DPP10: variants seen among roughly 807,000 people sequenced by gnomAD.
DPP10 encodes dipeptidyl peptidase like 10.
A neutral mutation model predicts 120.9 loss-of-function variants in DPP10; 33 were observed. That is an observed-to-expected ratio of 0.27 (90% CI 0.21 to 0.37). The LOEUF is 0.37. Among genes scored for constraint, DPP10 ranks in the 10% least tolerant of loss-of-function variants. The pLI, the probability that DPP10 is intolerant of heterozygous loss-of-function variation, is 1.00. For synonymous variants in DPP10, 337 were observed against 326.1 expected (o/e 1.03, Z -0.36); for missense variants, 816 against 942.8 (o/e 0.87, Z 1.76).
intron 3 of DPP10, among the ~76,000 whole-genome samples, chr2:115,369,146 T>C (rs2065249125): frequency 1.3e-5 from 2 of 152,046 alleles, no homozygotes; most frequent in African/African-American, 2.4e-5. Context: ...TTTCAATATA[T>C]CTAACAGCAA....
chr2:114,492,065 T>C (rs1306045233), intron 1 of DPP10, among the ~76,000 whole-genome samples: 1 of 152,170 alleles, frequency 6.6e-6, no homozygotes. Context: ...AGATGTCTTG[T>C]ATAGGGTTAT....
At chr2:114,563,043 T>G (rs1573661556) in intron 1 of DPP10, among the ~76,000 whole-genome samples, 1 of 152,352 alleles carries the variant, frequency 6.6e-6, no homozygotes, top group South Asian at 2.1e-4. Flanking sequence ...TTAATATGAC[T>G]GTTTTTCATT....
intron 1 of DPP10, chr2:115,162,381 G>T: frequency 7.5e-7 from 1 of 1,337,088 alleles, no homozygotes; most frequent in Non-Finnish European, 9.8e-7. Flanking sequence ...AACGCACGCT[G>T]AAGAAATCTG....
intron 5 of DPP10, among the ~76,000 whole-genome samples, chr2:115,630,638 G>A (rs2085775416): frequency 6.6e-6 from 1 of 152,094 alleles, no homozygotes; most frequent in South Asian, 2.1e-4. Context: ...TTTATCAAAG[G>A]CCTTTTCTGC....
intron 1 of DPP10, among the ~76,000 whole-genome samples, chr2:114,553,882 C>G (rs1187391387): frequency 6.6e-6 from 1 of 152,200 alleles, no homozygotes; most frequent in African/African-American, 2.4e-5. Flanking sequence ...TCCACTGTTT[C>G]AGGATTGGAA....
At position 114,883,866 on chromosome 2, in the gene DPP10, C is replaced by T. The variant is rs532747617; in HGVS notation, c.61-425373C>T. On this transcript the variant is annotated intron_variant, in intron 1 of 25. Coordinates refer to ENST00000410059, the MANE Select transcript of DPP10 (RefSeq NM_020868.6). ...ATCTAGAAGTTAGTTTAGTGTTCCT[C>T]ACATGGCATTTGGATTTCAGAAACA... is the stretch of plus-strand genomic sequence containing the variant. 9.9e-5 allele frequency among the ~76,000 whole-genome samples: 15 copies of T among 152,224 alleles called. No homozygotes were observed. In the South Asian group the frequency reaches 1.5e-3, roughly 15 times the overall value.
chr2:115,026,246 G>T (rs1703452158), intron 1 of DPP10, among the ~76,000 whole-genome samples: 1 of 151,904 alleles, frequency 6.6e-6, no homozygotes, highest in South Asian at 2.1e-4. Context: ...TCTGCTTATG[G>T]TTATTCAGCT....
intron 24 of DPP10, 60 bp downstream of exon 24, chr2:115,836,806 T>C (rs1689587085): frequency 6.7e-7 from 1 of 1,493,608 alleles, no homozygotes; most frequent in Admixed American, 2.1e-5. Context: ...AAGGGATACA[T>C]CTAAGGACTT....
intron 5 of DPP10, among the ~76,000 whole-genome samples, chr2:115,655,087 C>G (rs2088175724): frequency 6.6e-6 from 1 of 151,676 alleles, no homozygotes; most frequent in Non-Finnish European, 1.5e-5. Flanking sequence ...CAACTTCACC[C>G]TTTGATTGTT....
intron 1 of DPP10, among the ~76,000 whole-genome samples, chr2:115,128,219 A>G (rs1057016002): frequency 6.6e-6 from 1 of 151,962 alleles, no homozygotes; most frequent in African/African-American, 2.4e-5. Flanking sequence ...TGTCCCTTAA[A>G]CACACCTGAA....
chr2:115,410,617 A>G (rs1391941849), intron 3 of DPP10, among the ~76,000 whole-genome samples: 1 of 152,166 alleles, frequency 6.6e-6, no homozygotes, highest in Non-Finnish European at 1.5e-5. Context: ...CTGGCACTTA[A>G]AAGCTGAAGG....
At position 114,942,320 on chromosome 2, in the gene DPP10, T is replaced by TATATATATATAC. The variant is rs869121143; in HGVS notation, c.61-366918_61-366917insTATATATATACA. Among the ~76,000 whole-genome samples, 146 of 123,962 alleles carry TATATATATATAC rather than the reference T, an allele frequency of 1.2e-3. 1 individual carries two copies. The highest frequency in any genetic ancestry group is 4.3e-3 in the African/African-American group (139 of 32,074). 81.3% of individuals were successfully genotyped at this position (123,962 alleles called of 152,430 possible). Reference sequence around the variant, plus strand: ...ATACATATATATATATATATATATATACACACACATATATATATACGTATA... The same window carrying TATATATATATAC: ...ATACATATATATATATATATATATATATATATATATACACACACACATATATATATACGTATA... On this transcript the variant is annotated intron_variant, in intron 1 of 25. Transcript: ENST00000410059.
chr2:115,780,331 G>A (rs114097083), intron 15 of DPP10, among the ~76,000 whole-genome samples: 1,878 of 151,944 alleles, frequency 0.012, 43 homozygotes, highest in African/African-American at 0.041. Flanking sequence ...TAATACAAAT[G>A]TAACTTTTTT....
chr2:115,696,031 G>A (rs2091568348), intron 7 of DPP10, among the ~76,000 whole-genome samples: 1 of 151,934 alleles, frequency 6.6e-6, no homozygotes, highest in Non-Finnish European at 1.5e-5. Flanking sequence ...TGAAACTGAA[G>A]ATAAGACAAG....
chr2:114,891,940 T>A (rs1692576396), intron 1 of DPP10, among the ~76,000 whole-genome samples: 1 of 152,162 alleles, frequency 6.6e-6, no homozygotes, highest in Non-Finnish European at 1.5e-5. Context: ...AGGATGTCTG[T>A]CTGTCTGTCT....
intron 15 of DPP10, among the ~76,000 whole-genome samples, chr2:115,779,246 G>A (rs1682467324): frequency 6.6e-6 from 1 of 152,094 alleles, no homozygotes; most frequent in Non-Finnish European, 1.5e-5. Flanking sequence ...AACAGTCAAT[G>A]TATCTCTGAC....
intron 3 of DPP10, among the ~76,000 whole-genome samples, chr2:115,493,993 G>A (rs1454543722): frequency 6.6e-6 from 1 of 152,046 alleles, no homozygotes; most frequent in Non-Finnish European, 1.5e-5. Flanking sequence ...TCTGTTGCCA[G>A]GCTGGGGTAC....
intron 4 of DPP10, among the ~76,000 whole-genome samples, chr2:115,502,823 A>G (rs2076751714): frequency 6.6e-6 from 1 of 151,974 alleles, no homozygotes; most frequent in Non-Finnish European, 1.5e-5. Flanking sequence ...CCTCCTGAGT[A>G]GCTAGGACCA....
intron 5 of DPP10, among the ~76,000 whole-genome samples, chr2:115,679,330 A>G (rs1464419134): frequency 6.6e-6 from 1 of 152,088 alleles, no homozygotes; most frequent in African/African-American, 2.4e-5. Flanking sequence ...GGGAGCAGTT[A>G]CCTTCATGCT....
Sources: gnomAD v4.1 joint callset for allele counts (sites outside exome capture counted in the v4.1 genomes callset) on GRCh38, gnomAD v4.1.1 for gene constraint, MANE v1.5 for transcripts, NCBI Gene and HGNC (gene_info 2026-07-23, HGNC 2026-07-21) for gene names.